MYO15A: variants seen among roughly 807,000 people sequenced by gnomAD.
MYO15A encodes the protein myosin XVA.
In MYO15A, 308 loss-of-function variants were observed where a neutral mutation model predicts 394.6. The ratio of observed to expected loss-of-function variants is 0.78; its 90% CI spans 0.71 to 0.86. MYO15A has a LOEUF of 0.86. Ranked by LOEUF, MYO15A falls within the 40% of genes least tolerant of loss-of-function variation. The probability of loss-of-function intolerance (pLI) is 0.00; values close to 1 mark genes in which losing one functional copy is unlikely to be tolerated. For missense variants in MYO15A, 4,606 were observed against 4,799.1 expected (o/e 0.96, Z 1.19); for synonymous variants, 1,957 against 2,003.8 (o/e 0.98, Z 0.62).
Position 18,158,586 on chromosome 17 carries a change from A to G in MYO15A, c.9031A>G (p.Thr3011Ala). 5.0e-6 allele frequency: 8 copies of G among 1,614,156 alleles called. No individual in the cohort carries two copies. Among genetic ancestry groups the G allele is most frequent in the Non-Finnish European group, 6.8e-6 (8 of 1,180,014 alleles). Residue 3011 changes from threonine (T) to alanine (A), a missense_variant, in exon 52 of 66, where the codon ACA becomes GCA. By Grantham distance (58) the Thr-to-Ala change is moderately conservative. Transcript: ENST00000647165. ...GGACGCCCTGGCGCTCCCACCCTAC[A>G]CAATGCTCGAGTTTGCCCAGAAGTA... is the stretch of plus-strand genomic sequence containing the variant. Reference protein sequence around the residue: ...GEDALALPPYTMLEFAQKYFR... With the variant: ...GEDALALPPYAMLEFAQKYFR...
chr17:18,115,143 C>T lies in MYO15A; in HGVS notation c.-219-3439C>T, dbSNP rs74989740. 3.9e-3 allele frequency among the ~76,000 whole-genome samples: 595 copies of T among 152,294 alleles called. 2 individuals carry two copies. The highest frequency in any genetic ancestry group is 0.037 in the East Asian group (194 of 5,174). ...AGCCATTCCTGCACCCTGCCTCATC[C>T]CCATCATCAAATCCTGTCAGTCCTA... On this transcript the variant is annotated intron_variant, in intron 1 of 65. Transcript: ENST00000647165.
At chr17:18,156,100 C>T in intron 47 of MYO15A, 95 bp from the exon 48 acceptor site, 1 of 1,594,176 alleles carries the variant, frequency 6.3e-7, no homozygotes, top group Non-Finnish European at 8.6e-7. Context: ...TGGGGCTGGG[C>T]TTCAAATGGG....
Position 18,156,305 on chromosome 17 carries a change from T to G in MYO15A, c.8570T>G (p.Leu2857Arg). 6.2e-7 allele frequency: 1 copy of G among 1,614,188 alleles called. No individual in the cohort carries two copies. The highest frequency in any genetic ancestry group is 8.5e-7 in the Non-Finnish European group (1 of 1,180,032). Residue 2857 changes from leucine (L) to arginine (R), a missense_variant, in exon 48 of 66, where the codon CTG becomes CGG. Physicochemically the swap from Leu to Arg is moderately radical, Grantham distance 102 (BLOSUM62 -2). Coordinates refer to ENST00000647165, the MANE Select transcript of MYO15A (RefSeq NM_016239.4). ...FSARAHQVKT[L>R]VDDFILELKK... is the part of the protein sequence containing the mutation. ...GCCCGAGCGCACCAGGTCAAGACCC[T>G]GGTAGATGACTTCATCTTGGAGCTG...
At chr17:18,176,517 T>C (rs1047346902) in intron 65 of MYO15A, 4 of 151,414 alleles carry the variant, frequency 2.6e-5, no homozygotes, top group African/African-American at 4.9e-5. Context: ...ATCACATTTC[T>C]TCTCTTTTCT....
chr17:18,164,178 C>T (rs1168598424), intron 60 of MYO15A: 1 of 366,142 alleles, frequency 2.7e-6, no homozygotes, highest in Non-Finnish European at 5.3e-6. Flanking sequence ...ATTATGGAAC[C>T]TATAGGAACC....
intron 12 of MYO15A, among the ~76,000 whole-genome samples, chr17:18,135,328 G>T (rs1438182472): frequency 6.6e-6 from 1 of 150,446 alleles, no homozygotes; most frequent in Non-Finnish European, 1.5e-5. Flanking sequence ...CCGCCACCAC[G>T]CGTGGCTATT....
At chr17:18,114,091 C>T (rs987623804) in intron 1 of MYO15A, among the ~76,000 whole-genome samples, 2 of 151,380 alleles carry the variant, frequency 1.3e-5, no homozygotes, top group African/African-American at 4.9e-5. Flanking sequence ...TACTTGCATC[C>T]TTCCTTCCTT....
chr17:18,136,682 T>G lies in MYO15A; in HGVS notation c.4775T>G (p.Phe1592Cys). 1 of 1,604,608 alleles carries G rather than the reference T, an allele frequency of 6.2e-7. No individual in the cohort carries two copies. The highest frequency in any genetic ancestry group is 8.5e-7 in the Non-Finnish European group (1 of 1,177,182). ...ATCGCCATCCTGGACATCTATGGTT[T>G]CGAGGTGGGGCCGTGTAGGAGGCTG... ...LSIAILDIYGFEDLSFNSFEQ... is the reference protein window; with the variant it reads ...LSIAILDIYGCEDLSFNSFEQ... The change falls in exon 15 of 66, where the codon TTC (phenylalanine) becomes TGC (cysteine). Residue 1592 changes from phenylalanine (F) to cysteine (C), a missense_variant. Physicochemically the swap from Phe to Cys is radical, Grantham distance 205. Coordinates refer to ENST00000647165, the MANE Select transcript of MYO15A (RefSeq NM_016239.4).
intron 60 of MYO15A, 159 bp downstream of exon 60, chr17:18,163,997 A>G: frequency 1.4e-6 from 1 of 733,142 alleles, no homozygotes. Flanking sequence ...TGTACCAAGC[A>G]CGCCCAGCCC....
At chr17:18,140,472 C>G (rs182472169) in intron 19 of MYO15A, 45 bp from the exon 20 acceptor site, 1 of 1,612,852 alleles carries the variant, frequency 6.2e-7, no homozygotes, top group African/African-American at 1.3e-5. Context: ...ATTTCGGTCT[C>G]CCGGACCCTG....
At position 18,133,392 on chromosome 17, in the gene MYO15A, G is replaced by A. The variant is rs770828063; in HGVS notation, c.4482+6G>A. The A allele has an allele frequency of 1.9e-6, 3 of 1,613,862 alleles. No individual in the cohort carries two copies. The highest frequency in any genetic ancestry group is 3.3e-5 in the Admixed American group (2 of 60,008). ...TCTACTTTGAGAAGTATGAGGTGAG[G>A]GGACGCCACAGCCTGCCATGGGGCC... On this transcript the variant is annotated splice_donor_region_variant and intron_variant, in intron 12 of 65. Transcript: ENST00000647165.
Position 18,119,710 on chromosome 17 carries a change from AC to A in MYO15A, c.912del (p.Tyr305ThrfsTer139). 1 of 1,611,174 alleles carries A rather than the reference AC, an allele frequency of 6.2e-7. No homozygotes were observed. The highest frequency in any genetic ancestry group is 1.3e-5 in the African/African-American group (1 of 74,908). On this transcript the variant is annotated frameshift_variant, in exon 2 of 66. Transcript: ENST00000647165. LOFTEE classifies it high-confidence loss of function. Reference sequence around the variant, plus strand: ...CGGTGGCCCCTTTGATCCGGGGTACACCTACGGCTACGGCTACGACGATTAC... The same window carrying A: ...CGGTGGCCCCTTTGATCCGGGGTACACTACGGCTACGGCTACGACGATTAC... ...YYGGPFDPGY[T>X]YGYGYDDYEP... is the part of the protein sequence containing the mutation.
At position 18,151,482 on chromosome 17, in the gene MYO15A, G is replaced by A; in HGVS notation, c.7742G>A (p.Arg2581Lys). The A allele has an allele frequency of 1.2e-6, 2 of 1,614,206 alleles. No individual in the cohort carries two copies. Among genetic ancestry groups the A allele is most frequent in the South Asian group, 2.2e-5 (2 of 91,086 alleles). ...QPTQQIKNIVRQYQQPFRGGR... is the reference protein window; with the variant it reads ...QPTQQIKNIVKQYQQPFRGGR... ...ACACAGCAGATCAAGAATATTGTCA[G>A]GCAGTACCAGCAGCCGTTCCGGGGA... Residue 2581 changes from arginine (R) to lysine (K), a missense_variant, in exon 40 of 66, where the codon AGG (arginine) becomes AAG (lysine). Coordinates refer to ENST00000647165, the MANE Select transcript of MYO15A (RefSeq NM_016239.4).
In MYO15A at chr17:18,178,956, C is replaced by G. The variant is rs2047053624; in HGVS notation, c.*86C>G. On this transcript the variant is annotated 3_prime_UTR_variant, in exon 66 of 66. Transcript: ENST00000647165. ...TCACTGAACCTCTCAGGATCAATGA[C>G]CCCTGTAAGGGGCCAGAGCCTTGGA... is the stretch of plus-strand genomic sequence containing the variant. The G allele has an allele frequency of 2.2e-6, 3 of 1,362,614 alleles. No individual in the cohort carries two copies. Among genetic ancestry groups the G allele is most frequent in the African/African-American group, 2.9e-5 (2 of 69,940 alleles). The allele number at this position is 1,362,614 out of a possible 1,614,324, so 84.4% of individuals were successfully genotyped here.
In MYO15A at chr17:18,158,807, C is replaced by T. The variant is rs994541347; in HGVS notation, c.9084-118C>T. 1.1e-5 allele frequency: 16 copies of T among 1,411,722 alleles called. No individual in the cohort carries two copies. In the Admixed American group the frequency reaches 2.4e-4, roughly 21 times the overall value. 87.4% of individuals were successfully genotyped at this position (1,411,722 alleles called of 1,614,324 possible). A position where few individuals can be genotyped will look rare whatever the true frequency, so the allele number is the denominator to read the frequency against. Reference sequence around the variant, plus strand: ...GCCTGCCTCTGGGGGTCTTCGTGACCGGTAGACTGATCAGTGGTGGGTCAA... The same window carrying T: ...GCCTGCCTCTGGGGGTCTTCGTGACTGGTAGACTGATCAGTGGTGGGTCAA... On this transcript the variant is annotated intron_variant, in intron 52 of 65. Transcript: ENST00000647165.
Position 18,159,001 on chromosome 17 carries a change from T to C in MYO15A, c.9156+4T>C. The C allele has an allele frequency of 6.2e-7, 1 of 1,613,656 alleles. No individual in the cohort carries two copies. The highest frequency in any genetic ancestry group is 8.5e-7 in the Non-Finnish European group (1 of 1,179,732). On this transcript the variant is annotated splice_donor_region_variant and intron_variant, in intron 53 of 65. Transcript: ENST00000647165. ...GGACATGCTTTGCTTCACCAAGGTG[T>C]CCAGTCCCGGACCTCAGTTTCCCCA...
chr17:18,124,655 C>T (rs1050198715), intron 3 of MYO15A, 90 bp downstream of exon 3: 10 of 1,244,514 alleles, frequency 8.0e-6, no homozygotes, highest in African/African-American at 5.9e-5. Flanking sequence ...AGTTGCCTCT[C>T]ACCTCCCAGG....
intron 2 of MYO15A, 45 bp from the exon 3 acceptor site, chr17:18,124,438 G>T: frequency 2.5e-6 from 4 of 1,589,920 alleles, no homozygotes; most frequent in Non-Finnish European, 3.4e-6. Context: ...GTGGGGGAGG[G>T]GGGTGCCCTT....
In MYO15A at chr17:18,150,955, A is replaced by C. The variant is rs2046571048; in HGVS notation, c.7473+42A>C. The stretch of plus-strand genomic sequence containing the variant: ...CAGGGTGCAGGGGTTGCTTGGAGAC[A>C]CAAGCTGTAAAGAGGAATGCTGTGC... On this transcript the variant is annotated intron_variant, in intron 38 of 65. Transcript: ENST00000647165. This position sits in a 1 kb window ranked among gnomAD's most constrained non-coding sequence, Gnocchi z 4.4. 4.3e-6 allele frequency: 7 copies of C among 1,609,740 alleles called. No homozygotes were observed. Among genetic ancestry groups the C allele is most frequent in the Non-Finnish European group, 5.9e-6 (7 of 1,178,830 alleles).
Sources: allele counts gnomAD v4.1 joint callset (sites outside exome capture counted in the v4.1 genomes callset), GRCh38; gene constraint gnomAD v4.1.1; non-coding constraint Gnocchi (gnomAD v3.1); transcripts MANE v1.5; gene names NCBI Gene and HGNC (gene_info 2026-07-23, HGNC 2026-07-21).